The following RTP5 variants were observed in gnomAD, a reference collection of about 807,000 sequenced individuals.
RTP5 encodes receptor transporter protein 5 (putative), also known as receptor-transporting protein 5.
In RTP5, 30 loss-of-function variants were observed where a neutral mutation model predicts 23.5. The observed-to-expected ratio is 1.27, with a 90% confidence interval of 0.95 to 1.73. The LOEUF is 1.73. Ranked by LOEUF, RTP5 falls within the 40% of genes most tolerant of loss-of-function variation. The pLI is 0.00. For synonymous variants in RTP5, 354 were observed against 342.1 expected (o/e 1.03, Z -0.38); for missense variants, 807 against 784.2 (o/e 1.03, Z -0.35).
Position 241,873,103 on chromosome 2 carries a change from G to C in RTP5, c.1548G>C (p.Lys516Asn). 6.2e-7 allele frequency: 1 copy of C among 1,612,764 alleles called. No individual in the cohort carries two copies. The highest frequency in any genetic ancestry group is 8.5e-7 in the Non-Finnish European group (1 of 1,179,960). Reference sequence around the variant, plus strand: ...GGCAGCTGAGGTCCAGGTTCCACAAGGCCCGCTGTGGGTGCCGCCGGGAGG... The same window carrying C: ...GGCAGCTGAGGTCCAGGTTCCACAACGCCCGCTGTGGGTGCCGCCGGGAGG... ...QKRQLRSRFH[K>N]ARCGCRREED... The change falls in exon 2 of 2, where the codon AAG (lysine) becomes AAC (asparagine). Residue 516 changes from lysine (K) to asparagine (N), a missense_variant. Transcript: ENST00000343216.
Position 241,873,179 on chromosome 2 carries a change from G to A in RTP5, c.1624G>A (p.Glu542Lys). Residue 542 changes from glutamate to lysine, a missense_variant, in exon 2 of 2, where the codon GAG (glutamate) becomes AAG (lysine). Transcript: ENST00000343216. ...CCGTAGGCCGCACGCCGAGCCCTACGAGGACTTCTGGATCTGGGTGTCCAT... is the reference window on the plus strand; with the variant it reads ...CCGTAGGCCGCACGCCGAGCCCTACAAGGACTTCTGGATCTGGGTGTCCAT... ...ACRRPHAEPY[E>K]DFWIWVSMTV... 10 of 1,611,096 alleles carry A rather than the reference G, an allele frequency of 6.2e-6. No individual in the cohort carries two copies. The highest frequency in any genetic ancestry group is 8.5e-6 in the Non-Finnish European group (10 of 1,179,884).
Position 241,869,774 on chromosome 2 carries a change from A to G in RTP5, c.18A>G (p.Ala6=). ...GCGGCAGCATGGACCGGGCTGGGGCAGACATGTGGGCCAGCACCTTCACCC... is the reference window on the plus strand; with the variant it reads ...GCGGCAGCATGGACCGGGCTGGGGCGGACATGTGGGCCAGCACCTTCACCC... MDRAG[A]DMWASTFTLA... Residue 6 remains alanine, a synonymous_variant, in exon 1 of 2, where the codon GCA becomes GCG. Coordinates refer to ENST00000343216, the MANE Select transcript of RTP5 (RefSeq NM_173821.3). 6.5e-7 allele frequency: 1 copy of G among 1,535,700 alleles called. No individual in the cohort carries two copies. Among genetic ancestry groups the G allele is most frequent in the Non-Finnish European group, 8.7e-7 (1 of 1,143,092 alleles).
At position 241,872,923 on chromosome 2, in the gene RTP5, T is replaced by A; in HGVS notation, c.1368T>A (p.Pro456=). ...GGLVTAGHDA[P]LEANAEGPIT... ...TGGTCACCGCGGGTCACGACGCCCCTCTGGAGGCCAATGCCGAGGGCCCCA... is the reference window on the plus strand; with the variant it reads ...TGGTCACCGCGGGTCACGACGCCCCACTGGAGGCCAATGCCGAGGGCCCCA... Residue 456 remains proline, a synonymous_variant, in exon 2 of 2, where the codon CCT becomes CCA. Coordinates refer to ENST00000343216, the MANE Select transcript of RTP5 (RefSeq NM_173821.3). 1.2e-6 allele frequency: 2 copies of A among 1,612,978 alleles called. No homozygotes were observed. Among genetic ancestry groups the A allele is most frequent in the Non-Finnish European group, 8.5e-7 (1 of 1,179,964 alleles).
In RTP5 at chr2:241,873,178, C is replaced by T. The variant is rs1230079559; in HGVS notation, c.1623C>T (p.Tyr541=). Residue 541 remains tyrosine, a synonymous_variant, in exon 2 of 2, where the codon TAC becomes TAT. Transcript: ENST00000343216. Reference sequence around the variant, plus strand: ...GCCGTAGGCCGCACGCCGAGCCCTACGAGGACTTCTGGATCTGGGTGTCCA... The same window carrying T: ...GCCGTAGGCCGCACGCCGAGCCCTATGAGGACTTCTGGATCTGGGTGTCCA... ...RACRRPHAEP[Y]EDFWIWVSMT... is the part of the protein sequence containing the mutation. The T allele has an allele frequency of 6.2e-6, 10 of 1,611,190 alleles. No homozygotes were observed. Among genetic ancestry groups the T allele is most frequent in the African/African-American group, 2.7e-5 (2 of 74,910 alleles).
In RTP5 at chr2:241,872,368, C is replaced by T. The variant is rs760127701; in HGVS notation, c.813C>T (p.His271=). The change falls in exon 2 of 2, where the codon CAC becomes CAT. Residue 271 remains histidine (H), a synonymous_variant. Transcript: ENST00000343216. ...FPVAIGDPLF[H]GPGLLGSSIQ... is the part of the protein sequence containing the mutation. The stretch of plus-strand genomic sequence containing the variant: ...TGGCCATTGGAGACCCCCTCTTCCA[C>T]GGCCCCGGCCTCCTCGGCAGCAGCA... 4.0e-5 allele frequency: 65 copies of T among 1,611,110 alleles called. No individual in the cohort carries two copies. The highest frequency in any genetic ancestry group is 1.6e-4 in the Middle Eastern group (1 of 6,072).
chr2:241,870,095 C>T (rs537688913), intron 1 of RTP5, among the ~76,000 whole-genome samples, 181 bp downstream of exon 1: 9 of 152,336 alleles, frequency 5.9e-5, no homozygotes, highest in African/African-American at 1.7e-4. Context: ...GCTGGGCACA[C>T]GGCTGCTGAC....
chr2:241,869,811 G>A lies in RTP5; in HGVS notation c.55G>A (p.Glu19Lys), dbSNP rs376257428. Residue 19 changes from glutamate (E) to lysine (K), a missense_variant, in exon 1 of 2, where the codon GAG becomes AAG. Glu to Lys is a moderately conservative substitution (Grantham distance 56). Coordinates refer to ENST00000343216, the MANE Select transcript of RTP5 (RefSeq NM_173821.3). ...WASTFTLAMA[E>K]RKPQDVWVLL... is the part of the protein sequence containing the mutation. ...CAGCACCTTCACCCTGGCCATGGCC[G>A]AGAGGAAGCCCCAGGACGTCTGGGT... 8.3e-6 allele frequency: 13 copies of A among 1,557,462 alleles called. No homozygotes were observed. The highest frequency in any genetic ancestry group is 2.7e-5 in the African/African-American group (2 of 73,306).
rs781309657 is a variant in RTP5, at chr2:241,873,108, G to T, written c.1553G>T (p.Arg518Leu). 6.2e-7 allele frequency: 1 copy of T among 1,612,646 alleles called. No homozygotes were observed. Among genetic ancestry groups the T allele is most frequent in the South Asian group, 1.1e-5 (1 of 91,062 alleles). ...RQLRSRFHKA[R>L]CGCRREEDER... ...CTGAGGTCCAGGTTCCACAAGGCCCGCTGTGGGTGCCGCCGGGAGGAAGAC... is the reference window on the plus strand; with the variant it reads ...CTGAGGTCCAGGTTCCACAAGGCCCTCTGTGGGTGCCGCCGGGAGGAAGAC... Residue 518 changes from arginine (R) to leucine (L), a missense_variant, in exon 2 of 2, where the codon CGC becomes CTC. Coordinates refer to ENST00000343216, the MANE Select transcript of RTP5 (RefSeq NM_173821.3).
At position 241,872,755 on chromosome 2, in the gene RTP5, G is replaced by C. The variant is rs370826145; in HGVS notation, c.1200G>C (p.Val400=). ...KEGGGQGLVP[V]GHDALPETNA... ...GAGGCGGCCAGGGCCTCGTCCCAGT[G>C]GGTCACGACGCCCTGCCAGAGACCA... The change falls in exon 2 of 2, where the codon GTG becomes GTC. Residue 400 remains valine, a synonymous_variant. Transcript: ENST00000343216. The C allele has an allele frequency of 4.1e-5, 65 of 1,597,624 alleles. No individual in the cohort carries two copies. In the East Asian group the frequency reaches 7.2e-4, roughly 18 times the overall value.
At position 241,872,376 on chromosome 2, in the gene RTP5, G is replaced by A; in HGVS notation, c.821G>A (p.Gly274Asp). ...AIGDPLFHGP[G>D]LLGSSIQTFE... ...GGAGACCCCCTCTTCCACGGCCCCG[G>A]CCTCCTCGGCAGCAGCATCCAGACC... Residue 274 changes from glycine to aspartate, a missense_variant, in exon 2 of 2, where the codon GGC becomes GAC. Coordinates refer to ENST00000343216, the MANE Select transcript of RTP5 (RefSeq NM_173821.3). The A allele has an allele frequency of 6.2e-7, 1 of 1,612,348 alleles. No homozygotes were observed. Among genetic ancestry groups the A allele is most frequent in the Non-Finnish European group, 8.5e-7 (1 of 1,179,824 alleles).
In RTP5 at chr2:241,873,067, T is replaced by C. The variant is rs1415924252; in HGVS notation, c.1512T>C (p.Tyr504=). Residue 504 remains tyrosine, a synonymous_variant, in exon 2 of 2, where the codon TAT becomes TAC. Coordinates refer to ENST00000343216, the MANE Select transcript of RTP5 (RefSeq NM_173821.3). ...GCAATGGCTGCTTCTCCCAAGGCTA[T>C]TACCAGAAGAGGCAGCTGAGGTCCA... ...PQGNGCFSQG[Y]YQKRQLRSRF... The C allele has an allele frequency of 3.1e-6, 5 of 1,613,006 alleles. No individual in the cohort carries two copies. In the South Asian group the frequency reaches 5.5e-5, roughly 18 times the overall value.
In RTP5 at chr2:241,871,038, G is replaced by C. The variant is rs75070632; in HGVS notation, c.159-676G>C. On this transcript the variant is annotated intron_variant, in intron 1 of 1. Transcript: ENST00000343216. ...CTTGTGTGGCTAGCAAATGGTCACCGGTCTGATGACCGCCATGGACAAGCC... is the reference window on the plus strand; with the variant it reads ...CTTGTGTGGCTAGCAAATGGTCACCCGTCTGATGACCGCCATGGACAAGCC... The C allele has an allele frequency of 8.5e-3, 3,990 of 471,004 alleles. 135 individuals are homozygous for C. The highest frequency in any genetic ancestry group is 0.073 in the African/African-American group (3,656 of 50,172). 29.2% of individuals were successfully genotyped at this position (471,004 alleles called of 1,614,324 possible).
rs746609419 is a variant in RTP5 at position 241,873,255 on chromosome 2, T to C, written c.1700T>C (p.Ile567Thr). ...LMCMCRLNPG[I>T]YPQQV ...TGCATGTGTCGGCTGAACCCCGGGATCTACCCGCAGCAAGTGTGACGCCCC... is the reference window on the plus strand; with the variant it reads ...TGCATGTGTCGGCTGAACCCCGGGACCTACCCGCAGCAAGTGTGACGCCCC... The change falls in exon 2 of 2, where the codon ATC becomes ACC. Residue 567 changes from isoleucine to threonine, a missense_variant. Coordinates refer to ENST00000343216, the MANE Select transcript of RTP5 (RefSeq NM_173821.3). 6 of 1,586,932 alleles carry C rather than the reference T, an allele frequency of 3.8e-6. No individual in the cohort carries two copies. In the South Asian group the frequency reaches 6.7e-5, roughly 18 times the overall value.
intron 1 of RTP5, chr2:241,870,980 C>T (rs1377734785): frequency 2.1e-6 from 1 of 471,168 alleles, no homozygotes; most frequent in Admixed American, 2.3e-5. Context: ...CATAGCCTCT[C>T]ACTCATGCAG....
rs1452066200 is a variant in RTP5 at position 241,871,699 on chromosome 2, C to A, written c.159-15C>A. The A allele has an allele frequency of 1.3e-6, 2 of 1,581,192 alleles. No homozygotes were observed. ...CTTTCTCCTGCACTCACACACACTT[C>A]TTTCCCCGCCGCAGGCTCCAGTGCG... On this transcript the variant is annotated splice_polypyrimidine_tract_variant and intron_variant, in intron 1 of 1. Transcript: ENST00000343216.
rs1460264981 is a variant in RTP5 at position 241,872,845 on chromosome 2, A to C, written c.1290A>C (p.Gln430His). The C allele has an allele frequency of 6.2e-7, 1 of 1,612,610 alleles. No homozygotes were observed. The highest frequency in any genetic ancestry group is 1.1e-5 in the South Asian group (1 of 91,074). ...SLALPFPADVQGKDAFTDITE... is the reference protein window; with the variant it reads ...SLALPFPADVHGKDAFTDITE... ...CCCTCCCCTTCCCTGCTGATGTCCA[A>C]GGCAAAGATGCCTTTACTGACATCA... is the stretch of plus-strand genomic sequence containing the variant. The change falls in exon 2 of 2, where the codon CAA becomes CAC. Residue 430 changes from glutamine to histidine, a missense_variant. Gln to His is a conservative substitution (Grantham distance 24). Coordinates refer to ENST00000343216, the MANE Select transcript of RTP5 (RefSeq NM_173821.3).
rs898861640 is a variant in RTP5, at chr2:241,872,659, C to T, written c.1104C>T (p.Ile368=). Residue 368 remains isoleucine (I), a synonymous_variant, in exon 2 of 2, where the codon ATC becomes ATT. Transcript: ENST00000343216. ...DGPVATKEAS[I]TFPFIFTDVK... is the part of the protein sequence containing the mutation. ...CTGTGGCCACTAAAGAGGCCTCCATCACCTTCCCCTTCATCTTTACTGATG... is the reference window on the plus strand; with the variant it reads ...CTGTGGCCACTAAAGAGGCCTCCATTACCTTCCCCTTCATCTTTACTGATG... 10 of 1,594,312 alleles carry T rather than the reference C, an allele frequency of 6.3e-6. No individual in the cohort carries two copies. Among genetic ancestry groups the T allele is most frequent in the Non-Finnish European group, 6.0e-6 (7 of 1,170,538 alleles).
rs1169378208 is a variant in RTP5 at position 241,873,465 on chromosome 2, C to G, written c.*191C>G. ...AGACCCCGCCCTGCCTCTGAGACCC[C>G]GCCTCACCTCTGAGACACCCCCCAA... is the stretch of plus-strand genomic sequence containing the variant. On this transcript the variant is annotated 3_prime_UTR_variant, in exon 2 of 2. Coordinates refer to ENST00000343216, the MANE Select transcript of RTP5 (RefSeq NM_173821.3). The G allele has an allele frequency of 2.5e-4, 135 of 537,526 alleles. 2 individuals are homozygous for G. The South Asian group carries it at 2.7e-3, about 11-fold the overall frequency. 33.3% of individuals were successfully genotyped at this position (537,526 alleles called of 1,614,324 possible).
chr2:241,872,795 C>A lies in RTP5; in HGVS notation c.1240C>A (p.Pro414Thr). The A allele has an allele frequency of 6.2e-7, 1 of 1,607,484 alleles. No individual in the cohort carries two copies. Among genetic ancestry groups the A allele is most frequent in the Non-Finnish European group, 8.5e-7 (1 of 1,176,272 alleles). Residue 414 changes from proline to threonine, a missense_variant, in exon 2 of 2, where the codon CCC (proline) becomes ACC (threonine). By Grantham distance (38) the Pro-to-Thr change is conservative (BLOSUM62 -1). Coordinates refer to ENST00000343216, the MANE Select transcript of RTP5 (RefSeq NM_173821.3). ...GCCAGAGACCAATGCTGGTGGCCTC[C>A]CCTCCCAGGTCAAGGGCTCCCTTGC... Reference protein sequence around the residue: ...ALPETNAGGLPSQVKGSLALP... With the variant: ...ALPETNAGGLTSQVKGSLALP...
Sources: gnomAD v4.1 joint callset for allele counts (sites outside exome capture counted in the v4.1 genomes callset) on GRCh38, gnomAD v4.1.1 for gene constraint, MANE v1.5 for transcripts, NCBI Gene and HGNC (gene_info 2026-07-23, HGNC 2026-07-21) for gene names.